Variants in ADGRV1 observed in about 807,000 individuals in gnomAD.
The protein encoded by ADGRV1 is G-protein coupled receptor 98.
A neutral mutation model predicts 596.2 loss-of-function variants in ADGRV1; 359 were observed. The ratio of observed to expected loss-of-function variants is 0.60; its 90% CI spans 0.55 to 0.66. ADGRV1 has a LOEUF of 0.66. Ranked by LOEUF, ADGRV1 falls within the 30% of genes least tolerant of loss-of-function variation. The pLI, the probability that ADGRV1 is intolerant of heterozygous loss-of-function variation, is 0.00. For synonymous variants in ADGRV1, 2,681 were observed against 2,679.2 expected (o/e 1.00, Z -0.02); for missense variants, 7,274 against 7,575.6 (o/e 0.96, Z 1.48).
At chr5:90,974,757 A>G (rs1261302674) in intron 84 of ADGRV1, among the ~76,000 whole-genome samples, 4 of 152,158 alleles carry the variant, frequency 2.6e-5, no homozygotes, top group Non-Finnish European at 5.9e-5. Context: ...CTAGAAGAAA[A>G]CCTAGGCAAT....
chr5:90,619,041 A>G, intron 3 of ADGRV1, 45 bp from the exon 4 acceptor site: 5 of 917,252 alleles, frequency 5.5e-6, no homozygotes, highest in Non-Finnish European at 7.9e-6. Flanking sequence ...TTAACTTATT[A>G]TTTTATTTTT....
At chr5:90,720,370 G>T in intron 44 of ADGRV1, 147 bp downstream of exon 44, 1 of 493,414 alleles carries the variant, frequency 2.0e-6, no homozygotes, top group Non-Finnish European at 3.4e-6. Context: ...GGTCTAGAGA[G>T]ACCAGTTACT....
In ADGRV1 at chr5:90,695,511, A is replaced by G. The variant is rs540758351; in HGVS notation, c.7945+810A>G. 2.0e-5 allele frequency among the ~76,000 whole-genome samples: 3 copies of G among 152,258 alleles called. No homozygotes were observed. In the East Asian group the frequency reaches 5.8e-4, roughly 29 times the overall value. On this transcript the variant is annotated intron_variant, in intron 33 of 89. Transcript: ENST00000405460. ...AACATAGTGCTTTTCTGGTTGAAAA[A>G]GTAATGTATACTCTAAAAACCTCAA...
chr5:91,015,611 A>G (rs545201247), intron 85 of ADGRV1, among the ~76,000 whole-genome samples: 1 of 152,148 alleles, frequency 6.6e-6, no homozygotes, highest in African/African-American at 2.4e-5. Flanking sequence ...CTTTAGGTGA[A>G]TTAAACCCTT....
At chr5:90,860,998 A>C (rs1011204602) in intron 82 of ADGRV1, among the ~76,000 whole-genome samples, 3 of 152,152 alleles carry the variant, frequency 2.0e-5, no homozygotes, top group African/African-American at 7.2e-5. Flanking sequence ...TTATGTACAA[A>C]CATTTCATAT....
At chr5:90,823,247 T>C (rs1243312935) in intron 75 of ADGRV1, among the ~76,000 whole-genome samples, 178 bp from the exon 76 acceptor site, 1 of 152,190 alleles carries the variant, frequency 6.6e-6, no homozygotes, top group Non-Finnish European at 1.5e-5. Context: ...CTCTTATCTG[T>C]AGTGAGGAAA....
Position 90,692,390 on chromosome 5 carries a change from A to C in ADGRV1, c.6952-215A>C, listed in dbSNP as rs372516144. 3.7e-4 allele frequency among the ~76,000 whole-genome samples: 56 copies of C among 152,338 alleles called. 1 individual carries two copies. In the South Asian group the frequency reaches 0.011, roughly 31 times the overall value. On this transcript the variant is annotated intron_variant, in intron 31 of 89. Transcript: ENST00000405460. ...AGTTTAAACAGCCTGTATGTCTTAT[A>C]TATAACTAGGTTCTGTTATTAAATG...
intron 13 of ADGRV1, among the ~76,000 whole-genome samples, 190 bp downstream of exon 13, chr5:90,643,231 G>A (rs1359465643): frequency 2.0e-5 from 3 of 152,096 alleles, no homozygotes; most frequent in Admixed American, 6.6e-5. Flanking sequence ...TATTAGAATG[G>A]TGTATTTTTG....
chr5:91,087,656 T>A (rs1341727524), intron 86 of ADGRV1, among the ~76,000 whole-genome samples: 1 of 152,176 alleles, frequency 6.6e-6, no homozygotes, highest in Non-Finnish European at 1.5e-5. Flanking sequence ...GCTGAAGAAA[T>A]ATATTTCTTG....
At chr5:90,737,022 A>G (rs1015821965) in intron 50 of ADGRV1, among the ~76,000 whole-genome samples, 1 of 146,642 alleles carries the variant, frequency 6.8e-6, no homozygotes, top group Non-Finnish European at 1.5e-5. Context: ...TTCTTTTTCT[A>G]TTTCCTTTAG....
At chr5:91,153,158 TC>T (rs2126913517) in intron 88 of ADGRV1, 62 bp from the exon 89 acceptor site, 3 of 1,378,866 alleles carry the variant, frequency 2.2e-6, no homozygotes, top group South Asian at 1.3e-5. Context: ...CATTTGGGTT[TC>T]ATAGTGAATG....
chr5:91,137,162 T>C (rs1400731645), intron 87 of ADGRV1, among the ~76,000 whole-genome samples: 1 of 152,098 alleles, frequency 6.6e-6, no homozygotes, highest in African/African-American at 2.4e-5. Context: ...TTTTTTTCAC[T>C]GTGACCTTGA....
Position 90,692,595 on chromosome 5 carries a change from G to A in ADGRV1, c.6952-10G>A, listed in dbSNP as rs10040165. On this transcript the variant is annotated splice_polypyrimidine_tract_variant and intron_variant, in intron 31 of 89. Coordinates refer to ENST00000405460, the MANE Select transcript of ADGRV1 (RefSeq NM_032119.4). ...TGATGCTGTTAAGGAAGTTTTCACT[G>A]TATTTTTAGGTTATCCAAGTGCAAC... is the stretch of plus-strand genomic sequence containing the variant. 538,562 of 1,584,942 alleles carry A rather than the reference G, an allele frequency of 0.34. 94,667 individuals carry two copies. The highest frequency in any genetic ancestry group is 0.53 in the Admixed American group (29,008 of 54,696).
At chr5:90,640,124 A>T (rs181289393) in intron 11 of ADGRV1, among the ~76,000 whole-genome samples, 12 of 152,322 alleles carry the variant, frequency 7.9e-5, no homozygotes, top group Non-Finnish European at 1.5e-4. Context: ...TGTATGTGGT[A>T]TATAACCCTA....
At chr5:90,757,214 G>T in intron 57 of ADGRV1, 53 bp downstream of exon 57, 5 of 1,464,094 alleles carry the variant, frequency 3.4e-6, no homozygotes, top group Non-Finnish European at 4.8e-6. Context: ...CAGACATTTT[G>T]TAGGCATCCA....
chr5:90,685,356 G>A (rs1464612948), intron 28 of ADGRV1, among the ~76,000 whole-genome samples: 1 of 152,114 alleles, frequency 6.6e-6, no homozygotes, highest in East Asian at 1.9e-4. Flanking sequence ...GCCGAGGCAG[G>A]CAGATTGCCT....
intron 87 of ADGRV1, among the ~76,000 whole-genome samples, chr5:91,109,862 G>A (rs1388601941): frequency 2.6e-5 from 4 of 152,148 alleles, no homozygotes; most frequent in African/African-American, 9.7e-5. Context: ...CAACAGAAGG[G>A]GGCAACAGTG....
At position 90,708,002 on chromosome 5, in the gene ADGRV1, A is replaced by G. The variant is rs149813785; in HGVS notation, c.8731-814A>G. Among the ~76,000 whole-genome samples, 322 of 152,294 alleles carry G rather than the reference A, an allele frequency of 2.1e-3. 4 individuals are homozygous for G. Among genetic ancestry groups the G allele is most frequent in the Non-Finnish European group, 5.4e-4 (37 of 68,024 alleles). On this transcript the variant is annotated intron_variant, in intron 38 of 89. Coordinates refer to ENST00000405460, the MANE Select transcript of ADGRV1 (RefSeq NM_032119.4). The stretch of plus-strand genomic sequence containing the variant: ...GTCCATATATTACATAAGACAATCT[A>G]GAGACCATGATTTTCACTTATATTT...
At chr5:90,932,685 GA>G (rs1347972253) in intron 83 of ADGRV1, among the ~76,000 whole-genome samples, 1 of 151,832 alleles carries the variant, frequency 6.6e-6, no homozygotes, top group Non-Finnish European at 1.5e-5. Flanking sequence ...GTGAACAATT[GA>G]AAACATTAAG....
Sources: allele counts gnomAD v4.1 joint callset (sites outside exome capture counted in the v4.1 genomes callset), GRCh38; gene constraint gnomAD v4.1.1; transcripts MANE v1.5; gene names NCBI Gene and HGNC (gene_info 2026-07-23, HGNC 2026-07-21).